The following EXOC6B variants were observed in gnomAD, a reference collection of about 807,000 sequenced individuals.
EXOC6B encodes the protein exocyst complex component 6B.
Under a neutral mutation model 113.5 loss-of-function variants are expected in EXOC6B, and 54 were observed. That is an observed-to-expected ratio of 0.48 (90% confidence interval 0.38 to 0.60). The LOEUF (loss-of-function observed/expected upper bound fraction) is 0.60. Ranked by LOEUF, EXOC6B falls within the 20% of genes least tolerant of loss-of-function variation. EXOC6B has a pLI of 0.00. For missense variants in EXOC6B, 797 were observed against 977.5 expected, an observed-to-expected ratio of 0.82 and a Z score of 2.46; for synonymous variants, 357 against 339.0, an observed-to-expected ratio of 1.05 and a Z score of -0.58.
At chr2:72,633,412 T>C (rs933036416) in intron 6 of EXOC6B, among the ~76,000 whole-genome samples, 1 of 152,182 alleles carries the variant, frequency 6.6e-6, no homozygotes, top group African/African-American at 2.4e-5. Context: ...GCTGTTGTTG[T>C]TGTTGTTGCT....
intron 20 of EXOC6B, among the ~76,000 whole-genome samples, chr2:72,315,103 C>A (rs889975957): frequency 7.9e-5 from 12 of 152,092 alleles, no homozygotes; most frequent in Non-Finnish European, 1.5e-5. Flanking sequence ...AAGTTGCAAT[C>A]TTAAATGGGA....
chr2:72,260,226 A>C (rs1683629798), intron 20 of EXOC6B, among the ~76,000 whole-genome samples: 1 of 152,186 alleles, frequency 6.6e-6, no homozygotes, highest in Admixed American at 6.5e-5. Flanking sequence ...TAGCTATATG[A>C]AGGGAAATTG....
intron 20 of EXOC6B, among the ~76,000 whole-genome samples, chr2:72,190,243 G>A (rs894235362): frequency 1.3e-5 from 2 of 152,062 alleles, no homozygotes; most frequent in Non-Finnish European, 2.9e-5. Context: ...TTGCTATGTT[G>A]CCCAGGCTGG....
intron 20 of EXOC6B, among the ~76,000 whole-genome samples, chr2:72,268,045 T>C (rs1360648299): frequency 6.6e-6 from 1 of 152,234 alleles, no homozygotes; most frequent in African/African-American, 2.4e-5. Context: ...GAAGAAAAGA[T>C]AATAAAGTGT....
At chr2:72,464,954 T>C (rs1697946000) in intron 18 of EXOC6B, 1 of 580,086 alleles carries the variant, frequency 1.7e-6, no homozygotes, top group Non-Finnish European at 3.0e-6. Flanking sequence ...CCAGGAACCA[T>C]TTTCAGATGA....
chr2:72,495,321 A>T (rs1028192923), intron 15 of EXOC6B, 109 bp downstream of exon 15: 3 of 586,622 alleles, frequency 5.1e-6, no homozygotes, highest in Non-Finnish European at 8.9e-6. Flanking sequence ...CTAATTATTA[A>T]GATTTCCAAA....
chr2:72,383,208 C>A (rs1691797810), intron 18 of EXOC6B, among the ~76,000 whole-genome samples: 1 of 152,068 alleles, frequency 6.6e-6, no homozygotes, highest in Admixed American at 6.6e-5. Context: ...AAACAGAAAA[C>A]CTACAGAATG....
At chr2:72,180,022 C>T (rs1677986573) in intron 21 of EXOC6B, among the ~76,000 whole-genome samples, 1 of 152,218 alleles carries the variant, frequency 6.6e-6, no homozygotes. Context: ...AAGGGCTTGA[C>T]TGACCTTTTT....
At chr2:72,782,218 T>C (rs2104995808) in intron 1 of EXOC6B, among the ~76,000 whole-genome samples, 1 of 152,116 alleles carries the variant, frequency 6.6e-6, no homozygotes, top group Middle Eastern at 3.4e-3. Context: ...TATATTTTCT[T>C]GACCGTTTCT....
chr2:72,432,095 G>A (rs1359298228), intron 18 of EXOC6B, among the ~76,000 whole-genome samples: 2 of 150,798 alleles, frequency 1.3e-5, no homozygotes, highest in Admixed American at 1.3e-4. Flanking sequence ...GGAGTGCAAC[G>A]GCACAATCTC....
chr2:72,609,951 T>C (rs1162790941), intron 6 of EXOC6B, among the ~76,000 whole-genome samples: 1 of 152,012 alleles, frequency 6.6e-6, no homozygotes. Flanking sequence ...CAGTAGACAA[T>C]AAAATGACAT....
At chr2:72,594,347 G>C (rs1669935766) in intron 6 of EXOC6B, among the ~76,000 whole-genome samples, 1 of 152,094 alleles carries the variant, frequency 6.6e-6, no homozygotes, top group Non-Finnish European at 1.5e-5. Context: ...AAATGGAGGA[G>C]AACAGGATAT....
At chr2:72,337,007 C>CA (rs56915816) in intron 19 of EXOC6B, among the ~76,000 whole-genome samples, 28,021 of 90,050 alleles carry the variant, frequency 0.31, 5,321 homozygotes, top group African/African-American at 0.59. Context: ...AACTCAGTCT[C>CA]AAAAAAAAAA....
intron 8 of EXOC6B, among the ~76,000 whole-genome samples, chr2:72,539,306 A>G (rs1246188301): frequency 1.3e-5 from 2 of 152,234 alleles, no homozygotes; most frequent in Non-Finnish European, 2.9e-5. Flanking sequence ...TTGAGAAGAG[A>G]GAACTCAATC....
chr2:72,359,808 T>A (rs1690195310), intron 19 of EXOC6B, among the ~76,000 whole-genome samples: 1 of 151,816 alleles, frequency 6.6e-6, no homozygotes, highest in East Asian at 1.9e-4. Flanking sequence ...TAGTGGGAGG[T>A]GTTTGGGTCA....
At chr2:72,664,771 T>C (rs531240168) in intron 6 of EXOC6B, among the ~76,000 whole-genome samples, 3 of 152,314 alleles carry the variant, frequency 2.0e-5, no homozygotes, top group East Asian at 3.9e-4. Flanking sequence ...GCTTCTCCCA[T>C]AGGAGTGTGT....
chr2:72,346,422 G>A (rs781244280), intron 19 of EXOC6B, among the ~76,000 whole-genome samples: 2 of 152,108 alleles, frequency 1.3e-5, no homozygotes, highest in Non-Finnish European at 2.9e-5. Context: ...CTGGAGAGAG[G>A]CATTGTTTTA....
At chr2:72,290,844 C>T (rs747801403) in intron 20 of EXOC6B, among the ~76,000 whole-genome samples, 12 of 151,870 alleles carry the variant, frequency 7.9e-5, no homozygotes, top group Admixed American at 1.3e-4. Context: ...TATGTTTTCT[C>T]TTATATAATT....
At chr2:72,738,746 C>T (rs1014612390) in intron 2 of EXOC6B, among the ~76,000 whole-genome samples, 11 of 152,086 alleles carry the variant, frequency 7.2e-5, no homozygotes, top group African/African-American at 1.9e-4. Context: ...GAGGCTGAGA[C>T]GGTCAGATCA....
Sources: allele counts gnomAD v4.1 joint callset (sites outside exome capture counted in the v4.1 genomes callset), GRCh38; gene constraint gnomAD v4.1.1; transcripts MANE v1.5; gene names NCBI Gene and HGNC (gene_info 2026-07-23, HGNC 2026-07-21).